Variants in CSMD1 observed in about 807,000 individuals in gnomAD.
CSMD1 encodes the protein CUB and sushi domain-containing protein 1.
CSMD1 carries 213 observed loss-of-function variants against 417.5 expected under a neutral mutation model. That is an observed-to-expected ratio of 0.51 (90% confidence interval 0.46 to 0.57). The LOEUF is 0.57. Among genes scored for constraint, CSMD1 ranks in the 20% least tolerant of loss-of-function variants. The pLI, the probability that CSMD1 is intolerant of heterozygous loss-of-function variation, is 0.00. For missense variants in CSMD1, 6,923 were observed against 4,529.7 expected (o/e 1.53, Z -15.17); for synonymous variants, 2,862 against 1,736.8 (o/e 1.65, Z -16.11).
intron 3 of CSMD1, among the ~76,000 whole-genome samples, chr8:4,277,415 C>G (rs1221257586): frequency 6.6e-6 from 1 of 152,150 alleles, no homozygotes; most frequent in Non-Finnish European, 1.5e-5. Context: ...ATTTCCCCAT[C>G]AACTAATAGC....
At chr8:4,825,475 T>C (rs1430928793) in intron 1 of CSMD1, among the ~76,000 whole-genome samples, 3 of 152,106 alleles carry the variant, frequency 2.0e-5, no homozygotes, top group Non-Finnish European at 2.9e-5. Context: ...ATTGAAACTT[T>C]ATACCTCTTG....
intron 1 of CSMD1, among the ~76,000 whole-genome samples, chr8:4,984,840 TA>T (rs1355299406): frequency 6.6e-6 from 1 of 152,082 alleles, no homozygotes; most frequent in African/African-American, 2.4e-5. Context: ...ACTGGAATAG[TA>T]AAAAACACAC....
In CSMD1 at chr8:4,395,995, T is replaced by C. The variant is rs184821162; in HGVS notation, c.415+23958A>G. Among the ~76,000 whole-genome samples the C allele has an allele frequency of 1.1e-3, 166 of 152,314 alleles. No individual in the cohort carries two copies. In the East Asian group the frequency reaches 0.015, roughly 14 times the overall value. ...AAATATATTCTGTTACTTTTAAAAA[T>C]GGAATGTTTTATAATCATTTTGTTC... On this transcript the variant is annotated intron_variant, in intron 3 of 69. Coordinates refer to ENST00000635120, the MANE Select transcript of CSMD1 (RefSeq NM_033225.6).
chr8:3,625,015 A>G (rs749974512), intron 7 of CSMD1, among the ~76,000 whole-genome samples: 4 of 152,156 alleles, frequency 2.6e-5, no homozygotes, highest in Non-Finnish European at 5.9e-5. Flanking sequence ...TCTTGCAGCC[A>G]TAAGAGGATA....
chr8:4,637,305 A>T, intron 2 of CSMD1, 37 bp downstream of exon 2: 2 of 1,454,894 alleles, frequency 1.4e-6, no homozygotes, highest in Non-Finnish European at 1.9e-6. Context: ...GTGTATTCAA[A>T]CAGTGCTAAC....
intron 25 of CSMD1, among the ~76,000 whole-genome samples, chr8:3,291,305 G>A (rs1324120067): frequency 6.6e-6 from 1 of 152,108 alleles, no homozygotes; most frequent in African/African-American, 2.4e-5. Flanking sequence ...TTGTGTCTCT[G>A]TCAGGCTTTG....
intron 3 of CSMD1, among the ~76,000 whole-genome samples, chr8:4,253,196 C>T (rs183335617): frequency 9.9e-5 from 15 of 152,278 alleles, no homozygotes; most frequent in Admixed American, 2.0e-4. Flanking sequence ...TCCTCTTCTA[C>T]GATCCCGCCC....
chr8:4,231,807 A>G (rs928894412), intron 3 of CSMD1, among the ~76,000 whole-genome samples: 69 of 152,324 alleles, frequency 4.5e-4, no homozygotes, highest in Non-Finnish European at 8.2e-4. Context: ...CTACCTAACA[A>G]AACTGCCAGT....
chr8:4,798,929 C>T (rs572938212), intron 1 of CSMD1, among the ~76,000 whole-genome samples: 7 of 152,290 alleles, frequency 4.6e-5, no homozygotes, highest in African/African-American at 1.4e-4. Flanking sequence ...CTGTTTGCAT[C>T]GGCCATTCTT....
At chr8:3,966,982 G>A (rs908497822) in intron 5 of CSMD1, among the ~76,000 whole-genome samples, 2 of 152,092 alleles carry the variant, frequency 1.3e-5, no homozygotes, top group Admixed American at 1.3e-4. Context: ...GGAGTGGAGG[G>A]TACATCTTCC....
intron 5 of CSMD1, among the ~76,000 whole-genome samples, chr8:3,981,506 A>AAG (rs1335663954): frequency 1.0e-4 from 9 of 86,338 alleles, no homozygotes; most frequent in Admixed American, 5.0e-4. Flanking sequence ...AAAGTAAAAA[A>AAG]AAAAAAAAAA....
rs930563014 is a variant in CSMD1, at chr8:4,787,938, G to T, written c.86-150380C>A. 1.5e-4 allele frequency: 242 copies of T among 1,593,838 alleles called. 1 individual carries two copies. Among genetic ancestry groups the T allele is most frequent in the Non-Finnish European group, 1.6e-4 (183 of 1,168,190 alleles). On this transcript the variant is annotated intron_variant, in intron 1 of 69. Coordinates refer to ENST00000635120, the MANE Select transcript of CSMD1 (RefSeq NM_033225.6). Reference sequence around the variant, plus strand: ...AGAAATTGTTCTTGCTGATGTAATTGACAATGATTCCTGGAGACTCTGGCC... The same window carrying T: ...AGAAATTGTTCTTGCTGATGTAATTTACAATGATTCCTGGAGACTCTGGCC...
intron 16 of CSMD1, among the ~76,000 whole-genome samples, chr8:3,398,059 C>T (rs270054): frequency 0.25 from 38,615 of 152,066 alleles, 5,439 homozygotes; most frequent in East Asian, 0.32. Flanking sequence ...TGAAACAATA[C>T]TGAATGAATG....
chr8:4,453,810 G>GTTTTTTTTTTTTTTTTTTTT (rs1392324658), intron 2 of CSMD1, among the ~76,000 whole-genome samples: 1 of 93,020 alleles, frequency 1.1e-5, no homozygotes. Context: ...TGCGCAATTC[G>GTTTTTTTTTTTTTTTTTTTT]TTTCTTTTTT....
At chr8:4,098,003 G>A (rs1199533699) in intron 3 of CSMD1, among the ~76,000 whole-genome samples, 2 of 152,186 alleles carry the variant, frequency 1.3e-5, no homozygotes, top group Admixed American at 1.3e-4. Context: ...AATGAACTCT[G>A]TCAAGAGTGA....
At chr8:3,507,369 G>A (rs975687129) in intron 10 of CSMD1, among the ~76,000 whole-genome samples, 7 of 152,142 alleles carry the variant, frequency 4.6e-5, no homozygotes, top group African/African-American at 1.4e-4. Flanking sequence ...ATTACATGAT[G>A]TATTTGTGCC....
At chr8:4,198,089 G>A (rs1190732148) in intron 3 of CSMD1, among the ~76,000 whole-genome samples, 1 of 152,210 alleles carries the variant, frequency 6.6e-6, no homozygotes, top group Admixed American at 6.5e-5. Context: ...GGGAAGTCTG[G>A]GAGTCTGAGT....
chr8:4,959,378 G>A lies in CSMD1; in HGVS notation c.85+34954C>T, dbSNP rs372201454. Among the ~76,000 whole-genome samples the A allele has an allele frequency of 8.1e-4, 123 of 152,302 alleles. 2 individuals are homozygous for A. The South Asian group carries it at 0.025, about 31-fold the overall frequency. ...ATGTCAGGTGGCAATCCCCAACCAG[G>A]CGCTCTCATTTTTGTCCACACTCAG... is the stretch of plus-strand genomic sequence containing the variant. On this transcript the variant is annotated intron_variant, in intron 1 of 69. Coordinates refer to ENST00000635120, the MANE Select transcript of CSMD1 (RefSeq NM_033225.6).
intron 10 of CSMD1, among the ~76,000 whole-genome samples, chr8:3,500,201 T>G (rs1055013335): frequency 3.3e-5 from 5 of 152,180 alleles, no homozygotes; most frequent in African/African-American, 1.2e-4. Context: ...GTTGCTTCAG[T>G]ACAGTGTTCT....
Sources: allele counts gnomAD v4.1 joint callset (sites outside exome capture counted in the v4.1 genomes callset), GRCh38; gene constraint gnomAD v4.1.1; transcripts MANE v1.5; gene names NCBI Gene and HGNC (gene_info 2026-07-23, HGNC 2026-07-21).